Variants in ACOT9 observed in about 807,000 individuals in gnomAD.
ACOT9 encodes acyl-coenzyme A thioesterase 9, mitochondrial.
A neutral mutation model predicts 39.7 loss-of-function variants in ACOT9; 34 were observed. The ratio of observed to expected loss-of-function variants is 0.86; its 90% CI spans 0.65 to 1.14. The LOEUF (loss-of-function observed/expected upper bound fraction) is 1.14, where lower values mean the gene tolerates loss of function less well. Ranked by LOEUF, ACOT9 falls within the 50% of genes most tolerant of loss-of-function variation. The pLI, the probability that ACOT9 is intolerant of heterozygous loss-of-function variation, is 0.00. For synonymous variants in ACOT9, 110 were observed against 120.5 expected (o/e 0.91, Z 0.57); for missense variants, 313 against 344.1 (o/e 0.91, Z 0.71).
At chrX:23,714,967 C>T (rs1929027747) in intron 8 of ACOT9, among the ~76,000 whole-genome samples, 1 of 111,227 alleles carries the variant, frequency 9.0e-6, no homozygotes, top group Admixed American at 9.7e-5. Flanking sequence ...AAAGTCATAC[C>T]ATAAAGTAAT....
rs1437997685 is a variant in ACOT9, at chrX:23,705,785, C to T, written c.916G>A (p.Glu306Lys). The stretch of plus-strand genomic sequence containing the variant: ...TATAATACCTGAGGGTGGCAAATTT[C>T]CAAACTCTTCAGTTTTGAATTCTCC... ...WMENSKLKSL[E>K]ICHPQERNIF... The change falls in exon 12 of 16, where the codon GAA (glutamate) becomes AAA (lysine). Residue 306 changes from glutamate to lysine, a missense_variant. Physicochemically the swap from Glu to Lys is moderately conservative, Grantham distance 56. Transcript: ENST00000379303. 8.3e-7 allele frequency: 1 copy of T among 1,208,908 alleles called. No homozygotes were observed. The highest frequency in any genetic ancestry group is 1.1e-6 in the Non-Finnish European group (1 of 894,040).
chrX:23,716,208 G>A (rs1376529145), intron 8 of ACOT9, among the ~76,000 whole-genome samples: 1 of 111,877 alleles, frequency 8.9e-6, no homozygotes, highest in African/African-American at 3.2e-5. Context: ...TGGATACAGA[G>A]CCAGAGCACG....
chrX:23,730,806 A>G lies in ACOT9; in HGVS notation c.362+10T>C. 1 of 1,178,003 alleles carries G rather than the reference A, an allele frequency of 8.5e-7. No individual in the cohort carries two copies. The highest frequency in any genetic ancestry group is 1.9e-5 in the South Asian group (1 of 52,799). ...ATAAAAACAAATACATAAAAATAGC[A>G]CTGTGTTACCTTACGGTGTTTTGAA... On this transcript the variant is annotated intron_variant, in intron 5 of 15. Coordinates refer to ENST00000379303, the MANE Select transcript of ACOT9 (RefSeq NM_001037171.2).
chrX:23,712,916 C>T (rs1471097782), intron 9 of ACOT9, among the ~76,000 whole-genome samples: 5 of 112,443 alleles, frequency 4.4e-5, no homozygotes, highest in African/African-American at 9.7e-5. Context: ...CCACCTCTCC[C>T]GGCCTGAGAA....
intron 8 of ACOT9, among the ~76,000 whole-genome samples, chrX:23,721,305 C>T (rs1159450113): frequency 9.0e-6 from 1 of 110,716 alleles, no homozygotes; most frequent in Non-Finnish European, 1.9e-5. Context: ...ATTGGCCAGG[C>T]TGGTCTCAAA....
intron 9 of ACOT9, among the ~76,000 whole-genome samples, chrX:23,708,972 G>A (rs146561749): frequency 8.5e-4 from 95 of 112,063 alleles, no homozygotes; most frequent in African/African-American, 2.9e-3. Context: ...AAAGGCATAC[G>A]TTTGTTGCAT....
At chrX:23,714,392 C>T (rs1929008765) in intron 8 of ACOT9, among the ~76,000 whole-genome samples, 2 of 111,390 alleles carry the variant, frequency 1.8e-5, no homozygotes, top group African/African-American at 3.3e-5. Context: ...GGTTGAGCAT[C>T]TCTAATCCAA....
chrX:23,723,803 T>C (rs1434866751), intron 6 of ACOT9, among the ~76,000 whole-genome samples: 1 of 110,820 alleles, frequency 9.0e-6, no homozygotes, highest in Non-Finnish European at 1.9e-5. Flanking sequence ...GGCAATAAAC[T>C]CCATTTAAAA....
At chrX:23,729,819 G>A (rs1487514761) in intron 6 of ACOT9, among the ~76,000 whole-genome samples, 1 of 110,326 alleles carries the variant, frequency 9.1e-6, no homozygotes, top group Non-Finnish European at 1.9e-5. Flanking sequence ...TTTTAGTAGA[G>A]ATGGGGTTTC....
At chrX:23,712,827 G>A (rs1183856854) in intron 9 of ACOT9, among the ~76,000 whole-genome samples, 8 of 112,374 alleles carry the variant, frequency 7.1e-5, no homozygotes, top group Non-Finnish European at 9.4e-5. Flanking sequence ...CACCATGCCG[G>A]CCAGGCTGGT....
At chrX:23,725,533 T>C (rs1295692870) in intron 6 of ACOT9, among the ~76,000 whole-genome samples, 1 of 77,270 alleles carries the variant, frequency 1.3e-5, no homozygotes, top group Non-Finnish European at 2.5e-5. Flanking sequence ...ACTGAAAAAA[T>C]AGGGCTGGGC....
intron 6 of ACOT9, among the ~76,000 whole-genome samples, chrX:23,723,540 T>G (rs895736255): frequency 1.0e-5 from 1 of 99,845 alleles, no homozygotes; most frequent in Non-Finnish European, 2.0e-5. Flanking sequence ...GAGGCAGAGG[T>G]TGCAGTGAGC....
chrX:23,729,866 T>G (rs1428021373), intron 6 of ACOT9, among the ~76,000 whole-genome samples: 1 of 111,004 alleles, frequency 9.0e-6, no homozygotes, highest in Admixed American at 9.7e-5. Flanking sequence ...CTCCTGACCT[T>G]GTGATCTGCC....
chrX:23,704,661 C>G, intron 15 of ACOT9, 33 bp downstream of exon 15: 1 of 1,195,956 alleles, frequency 8.4e-7, no homozygotes, highest in Non-Finnish European at 1.1e-6. Context: ...AAGTTCTTCC[C>G]TTTGTTAGGG....
At position 23,734,328 on chromosome X, in the gene ACOT9, T is replaced by C; in HGVS notation, c.145+13A>G. On this transcript the variant is annotated intron_variant, in intron 3 of 15. Transcript: ENST00000379303. ...CTCTTAAAAGAAAAGCTGATACTAA[T>C]TACCACACACACCATGATTCACATG... is the stretch of plus-strand genomic sequence containing the variant. The C allele has an allele frequency of 8.4e-7, 1 of 1,192,513 alleles. No homozygotes were observed. The highest frequency in any genetic ancestry group is 1.7e-5 in the African/African-American group (1 of 57,162).
In ACOT9 at chrX:23,735,909, C is replaced by A. The variant is rs771041290; in HGVS notation, c.118+10G>T. The A allele has an allele frequency of 5.7e-5, 68 of 1,202,246 alleles. No homozygotes were observed. In the South Asian group the frequency reaches 8.9e-4, roughly 16 times the overall value. On this transcript the variant is annotated intron_variant, in intron 2 of 15. Coordinates refer to ENST00000379303, the MANE Select transcript of ACOT9 (RefSeq NM_001037171.2). ...ACCACATAGGCATCAAACAGAGACA[C>A]CATGCTTGCCTTCATGAATGTGGAA...
intron 8 of ACOT9, 63 bp from the exon 9 acceptor site, chrX:23,713,271 G>A: frequency 4.3e-6 from 4 of 934,617 alleles, no homozygotes; most frequent in Middle Eastern, 2.9e-4. Context: ...GACCTACCAC[G>A]ATTCTAACAG....
chrX:23,702,132 T>C lies in ACOT9; in HGVS notation c.*1762A>G, dbSNP rs936852929. 9.9e-5 allele frequency: 11 copies of C among 111,071 alleles called. No homozygotes were observed. Among genetic ancestry groups the C allele is most frequent in the African/African-American group, 3.6e-4 (11 of 30,602 alleles). 9.2% of individuals were successfully genotyped at this position (111,071 alleles called of 1,213,427 possible). A position where few individuals can be genotyped will look rare whatever the true frequency, so the allele number is the denominator to read the frequency against. On this transcript the variant is annotated 3_prime_UTR_variant, in exon 16 of 16. Coordinates refer to ENST00000379303, the MANE Select transcript of ACOT9 (RefSeq NM_001037171.2). ...TAATTCTGAGGCAGAGCCAAGTTTG[T>C]GAACACTAATGTAGAACCCACAATA...
intron 1 of ACOT9, among the ~76,000 whole-genome samples, chrX:23,738,448 A>C (rs1367960563): frequency 9.2e-6 from 1 of 108,161 alleles, no homozygotes; most frequent in Non-Finnish European, 1.9e-5. Flanking sequence ...ATCTCTATTA[A>C]AAACATAAAA....
Sources: gnomAD v4.1 joint callset for allele counts (sites outside exome capture counted in the v4.1 genomes callset) on GRCh38, gnomAD v4.1.1 for gene constraint, MANE v1.5 for transcripts, NCBI Gene and HGNC (gene_info 2026-07-23, HGNC 2026-07-21) for gene names.